VWA7: variants seen among roughly 807,000 people sequenced by gnomAD.
VWA7 encodes von Willebrand factor A domain containing 7.
VWA7 carries 66 observed loss-of-function variants against 83.1 expected under a neutral mutation model. The observed-to-expected ratio is 0.79, with a 90% confidence interval of 0.65 to 0.98. The LOEUF (loss-of-function observed/expected upper bound fraction) is 0.98. Ranked by LOEUF, VWA7 falls within the 50% of genes least tolerant of loss-of-function variation. VWA7 has a pLI of 0.00. For synonymous variants in VWA7, 424 were observed against 488.5 expected, an observed-to-expected ratio of 0.87 and a Z score of 1.74; for missense variants, 1,080 against 1,160.2, an observed-to-expected ratio of 0.93 and a Z score of 1.00.
chr6:31,773,409 G>A lies in VWA7; in HGVS notation c.750C>T (p.Asp250=), dbSNP rs537375861. 110 of 1,601,568 alleles carry A rather than the reference G, an allele frequency of 6.9e-5. 1 individual carries two copies. In the South Asian group the frequency reaches 1.2e-3, roughly 18 times the overall value. Residue 250 remains aspartate, a synonymous_variant, in exon 6 of 17, where the codon GAC becomes GAT. Transcript: ENST00000375688. The surrounding 1 kb of genome is among the most constrained non-coding windows in gnomAD (Gnocchi z 5.3). ...PGKCSHGGHF[D]RSSSQPPRGG... is the part of the protein sequence containing the mutation. ...CCCTCGGTGGCTGGGAGCTGCTCCG[G>A]TCAAAATGGCCCCCGTGGCTACATT...
At chr6:31,768,396 G>T (rs1476183384) in intron 10 of VWA7, among the ~76,000 whole-genome samples, 1 of 151,940 alleles carries the variant, frequency 6.6e-6, no homozygotes, top group Non-Finnish European at 1.5e-5. Context: ...ATCACTTGAG[G>T]CCAGGGGTTC....
rs1228375362 is a variant in VWA7, at chr6:31,769,717, G to A, written c.1275C>T (p.Leu425=). The A allele has an allele frequency of 1.2e-6, 2 of 1,612,956 alleles. No homozygotes were observed. Among genetic ancestry groups the A allele is most frequent in the African/African-American group, 1.3e-5 (1 of 74,938 alleles). The change falls in exon 9 of 17, where the codon CTC becomes CTT. Residue 425 remains leucine, a synonymous_variant. Transcript: ENST00000375688. This position sits in a 1 kb window ranked among gnomAD's most constrained non-coding sequence, Gnocchi z 4.5. ...FTDASPKDAF[L]TNQVESLTQE... ...GAGTCAGGGATTCCACCTGGTTGGT[G>A]AGAAAGGCATCCTTGGGGGAGGCAT...
rs1342482016 is a variant in VWA7 at position 31,777,068 on chromosome 6, C to T, written c.-16+41G>A. On this transcript the variant is annotated intron_variant, in intron 1 of 16. Coordinates refer to ENST00000375688, the MANE Select transcript of VWA7 (RefSeq NM_025258.3). The surrounding 1 kb of genome is among the most constrained non-coding windows in gnomAD (Gnocchi z 5.8). ...CCCAGCCCTGCCGCAGAAACACTCC[C>T]CATGCTCAGGAAGCCTGAGTCCTCT... 6 of 407,280 alleles carry T rather than the reference C, an allele frequency of 1.5e-5. No homozygotes were observed. Among genetic ancestry groups the T allele is most frequent in the Non-Finnish European group, 2.6e-5 (6 of 230,004 alleles). The allele number at this position is 407,280 out of a possible 1,614,324, so 25.2% of individuals were successfully genotyped here.
At chr6:31,772,575 C>CTTTTTTTTTTTTTT (rs1812284314) in intron 7 of VWA7, among the ~76,000 whole-genome samples, 1 of 85,494 alleles carries the variant, frequency 1.2e-5, no homozygotes, top group African/African-American at 4.5e-5. Flanking sequence ...TTTTTTTTTT[C>CTTTTTTTTTTTTTT]TTTCTTTTCT....
intron 7 of VWA7, among the ~76,000 whole-genome samples, chr6:31,770,937 G>A (rs1163127683): frequency 6.6e-6 from 1 of 150,924 alleles, no homozygotes; most frequent in African/African-American, 2.4e-5. Flanking sequence ...CTTGAATCGA[G>A]GCTGCAGTGA....
chr6:31,773,464 G>C lies in VWA7; in HGVS notation c.722-27C>G. 2 of 1,532,488 alleles carry C rather than the reference G, an allele frequency of 1.3e-6. No individual in the cohort carries two copies. Among genetic ancestry groups the C allele is most frequent in the Non-Finnish European group, 1.8e-6 (2 of 1,139,410 alleles). The allele number at this position is 1,532,488 out of a possible 1,614,324, so 94.9% of individuals were successfully genotyped here. A position where few individuals can be genotyped will look rare whatever the true frequency, so the allele number is the denominator to read the frequency against. On this transcript the variant is annotated intron_variant, in intron 5 of 16. Transcript: ENST00000375688. The surrounding 1 kb of genome is among the most constrained non-coding windows in gnomAD (Gnocchi z 5.3). ...TGGGTTGGGGAAAGGGATCTGGAGA[G>C]TGGAGGTCAAAAACCCACTGCCTCC...
Position 31,766,194 on chromosome 6 carries a change from G to A in VWA7, c.2324+51C>T. The A allele has an allele frequency of 6.2e-7, 1 of 1,604,912 alleles. No homozygotes were observed. Reference sequence around the variant, plus strand: ...GGGACAGGGGCAGGGCTTGGGATAAGCATTGGCCGGGCAAGATGCCAGAGG... The same window carrying A: ...GGGACAGGGGCAGGGCTTGGGATAAACATTGGCCGGGCAAGATGCCAGAGG... On this transcript the variant is annotated intron_variant, in intron 15 of 16. Coordinates refer to ENST00000375688, the MANE Select transcript of VWA7 (RefSeq NM_025258.3). This position sits in a 1 kb window ranked among gnomAD's most constrained non-coding sequence, Gnocchi z 4.9.
At chr6:31,767,589 G>A (rs139222964) in intron 11 of VWA7, 33 bp downstream of exon 11, 13 of 1,600,702 alleles carry the variant, frequency 8.1e-6, no homozygotes, top group East Asian at 4.5e-5. Flanking sequence ...TCTATTCCCC[G>A]GTCCCCTCTC....
chr6:31,775,202 C>G lies in VWA7; in HGVS notation c.610+131G>C. ...TTAACTGAGCCAGGCGTTGCTTGGA[C>G]TGGGGGACCTCAGTCCTTGTGGAGA... is the stretch of plus-strand genomic sequence containing the variant. On this transcript the variant is annotated intron_variant, in intron 4 of 16. Coordinates refer to ENST00000375688, the MANE Select transcript of VWA7 (RefSeq NM_025258.3). The surrounding 1 kb of genome is among the most constrained non-coding windows in gnomAD (Gnocchi z 5.9). The G allele has an allele frequency of 1.3e-6, 1 of 752,002 alleles. No homozygotes were observed. The highest frequency in any genetic ancestry group is 2.1e-5 in the South Asian group (1 of 47,790). The allele number at this position is 752,002 out of a possible 1,614,324, so 46.6% of individuals were successfully genotyped here.
rs34341244 is a variant in VWA7 at position 31,765,982 on chromosome 6, G to A, written c.2400C>T (p.Ser800=). 0.025 allele frequency: 39,694 copies of A among 1,612,986 alleles called. 1,017 individuals carry two copies. The highest frequency in any genetic ancestry group is 0.024 in the Non-Finnish European group (28,151 of 1,180,006). ...LEVPDSAAPD[S]VVMVTVTAGG... Reference sequence around the variant, plus strand: ...CTGCAGTCACAGTCACCATCACCACGGAATCCGGGGCCGCTGAATCTGGGA... The same window carrying A: ...CTGCAGTCACAGTCACCATCACCACAGAATCCGGGGCCGCTGAATCTGGGA... The change falls in exon 16 of 17, where the codon TCC becomes TCT. Residue 800 remains serine, a synonymous_variant. Transcript: ENST00000375688.
At position 31,767,378 on chromosome 6, in the gene VWA7, A is replaced by G; in HGVS notation, c.1773T>C (p.Pro591=). 6.2e-7 allele frequency: 1 copy of G among 1,613,198 alleles called. No homozygotes were observed. Among genetic ancestry groups the G allele is most frequent in the South Asian group, 1.1e-5 (1 of 91,076 alleles). The part of the protein sequence containing the change: ...WEIQVTAEDT[P]GVRVQAQTSL... Reference sequence around the variant, plus strand: ...CCTCCTTACCTTGCACTCTCACCCCAGGGGTGTCCTCAGCTGTGACCTGGA... The same window carrying G: ...CCTCCTTACCTTGCACTCTCACCCCGGGGGTGTCCTCAGCTGTGACCTGGA... Residue 591 remains proline (P), a synonymous_variant, in exon 12 of 17, where the codon CCT becomes CCC. Coordinates refer to ENST00000375688, the MANE Select transcript of VWA7 (RefSeq NM_025258.3).
chr6:31,768,643 A>G (rs1322153253), intron 10 of VWA7, among the ~76,000 whole-genome samples: 1 of 152,158 alleles, frequency 6.6e-6, no homozygotes, highest in African/African-American at 2.4e-5. Flanking sequence ...GTACGAAACC[A>G]GCCTGGCCAA....
rs753188143 is a variant in VWA7, at chr6:31,776,239, G to C, written c.238C>G (p.Arg80Gly). 2 of 1,610,604 alleles carry C rather than the reference G, an allele frequency of 1.2e-6. No homozygotes were observed. The highest frequency in any genetic ancestry group is 2.7e-5 in the African/African-American group (2 of 74,910). Residue 80 changes from arginine to glycine, a missense_variant, in exon 3 of 17, where the codon CGA becomes GGA. By Grantham distance (125) the Arg-to-Gly change is moderately radical. Coordinates refer to ENST00000375688, the MANE Select transcript of VWA7 (RefSeq NM_025258.3). This position sits in a 1 kb window ranked among gnomAD's most constrained non-coding sequence, Gnocchi z 6.2. ...PPLRLEDFLG[R>G]TLLADDLFAA... is the part of the protein sequence containing the mutation. ...AAGAGGTCATCAGCAAGGAGTGTTC[G>C]ACCCTGGGGAGAATAGCGGGCGACG...
chr6:31,766,038 C>T lies in VWA7; in HGVS notation c.2344G>A (p.Glu782Lys). The change falls in exon 16 of 17, where the codon GAG becomes AAG. Residue 782 changes from glutamate (E) to lysine (K), a missense_variant. Transcript: ENST00000375688. The surrounding 1 kb of genome is among the most constrained non-coding windows in gnomAD (Gnocchi z 4.9). ...AGCCACAGGCGGCCCCAGGCCGACT[C>T]ATTCAGTTCCAGGTGAGCCCTGGAG... ...NLSRAHLELN[E>K]SAWGRLWLEV... 1 of 1,612,914 alleles carries T rather than the reference C, an allele frequency of 6.2e-7. No homozygotes were observed. Among genetic ancestry groups the T allele is most frequent in the Non-Finnish European group, 8.5e-7 (1 of 1,180,018 alleles).
rs750018318 is a variant in VWA7, at chr6:31,770,007, G to C, written c.1194C>G (p.Ala398=). The C allele has an allele frequency of 2.5e-5, 40 of 1,612,732 alleles. No individual in the cohort carries two copies. Among genetic ancestry groups the C allele is most frequent in the Non-Finnish European group, 3.4e-5 (40 of 1,179,946 alleles). The part of the protein sequence containing the change: ...GGDEPEMCLS[A]LQLALLHTPP... ...AAGAAGGGAGGGGCCAGACCTGCAG[G>C]GCTGACAGGCACATCTCAGGCTCGT... Residue 398 remains alanine (A), a synonymous_variant, in exon 8 of 17, where the codon GCC becomes GCG. Transcript: ENST00000375688.
chr6:31,768,903 C>T (rs1811891661), intron 10 of VWA7, 115 bp downstream of exon 10: 25 of 1,193,250 alleles, frequency 2.1e-5, no homozygotes, highest in Non-Finnish European at 2.7e-5. Flanking sequence ...CCTTTCCTGC[C>T]CCGTGACTGG....
chr6:31,770,048 C>A lies in VWA7; in HGVS notation c.1153G>T (p.Ala385Ser). ...SFWQQLNEIH[A>S]LGGGDEPEMC... ...TCAGGCTCGTCTCCACCCCCCAAGG[C>A]ATGGATCTCATTAAGCTGTTGCCAG... Residue 385 changes from alanine to serine, a missense_variant, in exon 8 of 17, where the codon GCC becomes TCC. Ala to Ser is a moderately conservative substitution (Grantham distance 99). Transcript: ENST00000375688. The A allele has an allele frequency of 6.2e-7, 1 of 1,612,852 alleles. No homozygotes were observed. The highest frequency in any genetic ancestry group is 8.5e-7 in the Non-Finnish European group (1 of 1,179,994).
chr6:31,772,584 CTTTTTTTTTTTTTTT>C (rs9279415), intron 7 of VWA7, among the ~76,000 whole-genome samples: 2 of 35,080 alleles, frequency 5.7e-5, no homozygotes, highest in Non-Finnish European at 9.4e-5. Context: ...TCTTTCTTTT[CTTTTTTTTTTTTTTT>C]TTTTTTTTTT....
In VWA7 at chr6:31,766,888, A is replaced by G; in HGVS notation, c.1883-124T>C. 1.8e-6 allele frequency: 2 copies of G among 1,104,414 alleles called. No individual in the cohort carries two copies. Among genetic ancestry groups the G allele is most frequent in the Non-Finnish European group, 2.5e-6 (2 of 796,194 alleles). 68.4% of individuals were successfully genotyped at this position (1,104,414 alleles called of 1,614,324 possible). ...TGGATGGGAAAATAGGTTACCTTCG[A>G]GGGGTATTGATGGGGAGCATCAGGA... On this transcript the variant is annotated intron_variant, in intron 13 of 16. Coordinates refer to ENST00000375688, the MANE Select transcript of VWA7 (RefSeq NM_025258.3). This position sits in a 1 kb window ranked among gnomAD's most constrained non-coding sequence, Gnocchi z 4.9.
Sources: allele counts gnomAD v4.1 joint callset (sites outside exome capture counted in the v4.1 genomes callset), GRCh38; gene constraint gnomAD v4.1.1; non-coding constraint Gnocchi (gnomAD v3.1); transcripts MANE v1.5; gene names NCBI Gene and HGNC (gene_info 2026-07-23, HGNC 2026-07-21).